Variants in NCKAP5 observed in about 807,000 individuals in gnomAD.
NCKAP5 encodes the protein nck-associated protein 5.
NCKAP5 carries 92 observed loss-of-function variants against 167.0 expected under a neutral mutation model. That is an observed-to-expected ratio of 0.55 (90% confidence interval 0.47 to 0.66). The LOEUF (loss-of-function observed/expected upper bound fraction) is 0.66. Ranked by LOEUF, NCKAP5 falls within the 30% of genes least tolerant of loss-of-function variation. The pLI is 0.00. For synonymous variants in NCKAP5, 891 were observed against 877.4 expected, an observed-to-expected ratio of 1.02 and a Z score of -0.27; for missense variants, 2,378 against 2,315.0, an observed-to-expected ratio of 1.03 and a Z score of -0.56.
intron 4 of NCKAP5, among the ~76,000 whole-genome samples, chr2:133,284,461 T>G (rs191718752): frequency 6.6e-6 from 1 of 152,346 alleles, no homozygotes; most frequent in Admixed American, 6.5e-5. Context: ...TGTTTGAAGT[T>G]GACATCAAAG....
chr2:133,258,426 C>T (rs180697105), intron 4 of NCKAP5, among the ~76,000 whole-genome samples: 3 of 152,094 alleles, frequency 2.0e-5, no homozygotes, highest in Non-Finnish European at 1.5e-5. Flanking sequence ...TACAAACAGC[C>T]CCCACAATAT....
chr2:133,061,978 T>C (rs1342876030), intron 6 of NCKAP5, among the ~76,000 whole-genome samples: 1 of 152,244 alleles, frequency 6.6e-6, no homozygotes, highest in East Asian at 1.9e-4. Flanking sequence ...AAATGTATCT[T>C]AAGTCATGCT....
chr2:133,479,064 T>C (rs748353741), intron 3 of NCKAP5, among the ~76,000 whole-genome samples: 50 of 152,332 alleles, frequency 3.3e-4, no homozygotes, highest in Non-Finnish European at 4.3e-4. Flanking sequence ...CATTAATGGA[T>C]ATGCCCCATG....
intron 4 of NCKAP5, among the ~76,000 whole-genome samples, chr2:133,246,297 T>C (rs951096622): frequency 1.3e-5 from 2 of 151,790 alleles, no homozygotes; most frequent in South Asian, 2.1e-4. Context: ...AATGGAGCAA[T>C]GACATGAAAA....
chr2:133,501,263 T>C (rs542717292), intron 3 of NCKAP5, among the ~76,000 whole-genome samples: 1 of 152,204 alleles, frequency 6.6e-6, no homozygotes, highest in South Asian at 2.1e-4. Context: ...CATTGTACTA[T>C]AAGCTGAGGA....
At chr2:133,595,389 CTCCTCT>C in the NCKAP5 span, among the ~76,000 whole-genome samples, 1 of 151,352 alleles carries the variant, frequency 6.6e-6, no homozygotes, top group Admixed American at 6.6e-5. Flanking sequence ...CTTCCTCCTC[CTCCTCT>C]TCTTCTTTTT....
intron 16 of NCKAP5, among the ~76,000 whole-genome samples, chr2:132,765,724 C>A (rs1574126133): frequency 2.6e-5 from 4 of 152,216 alleles, no homozygotes; most frequent in Admixed American, 2.6e-4. Flanking sequence ...TCCCTAATAC[C>A]CATTAACTCC....
intron 4 of NCKAP5, among the ~76,000 whole-genome samples, chr2:133,220,781 C>G (rs1210992253): frequency 6.6e-6 from 1 of 152,108 alleles, no homozygotes; most frequent in Admixed American, 6.5e-5. Context: ...TGCTACAGAG[C>G]CATCTGTTGC....
chr2:133,352,894 G>A (rs1344318127), intron 3 of NCKAP5, among the ~76,000 whole-genome samples: 1 of 152,166 alleles, frequency 6.6e-6, no homozygotes, highest in Non-Finnish European at 1.5e-5. Flanking sequence ...ACTGGCTCAG[G>A]ATACATTGTC....
intron 6 of NCKAP5, among the ~76,000 whole-genome samples, chr2:133,041,898 A>AT (rs962423371): frequency 6.6e-6 from 1 of 152,136 alleles, no homozygotes; most frequent in African/African-American, 2.4e-5. Context: ...TGTTAGAATT[A>AT]TTTTTTTCTA....
intron 8 of NCKAP5, among the ~76,000 whole-genome samples, chr2:132,949,552 G>A (rs772184801): frequency 4.6e-5 from 7 of 152,122 alleles, no homozygotes; most frequent in African/African-American, 7.2e-5. Flanking sequence ...TCTGTCTCCA[G>A]ACAGACCCTG....
At chr2:133,181,858 G>T (rs2084753540) in intron 5 of NCKAP5, among the ~76,000 whole-genome samples, 1 of 152,028 alleles carries the variant, frequency 6.6e-6, no homozygotes, top group South Asian at 2.1e-4. Flanking sequence ...ACAAGTAAGT[G>T]CTATCTACAA....
the NCKAP5 span, among the ~76,000 whole-genome samples, chr2:133,660,179 T>C: frequency 6.6e-6 from 1 of 152,072 alleles, no homozygotes; most frequent in Non-Finnish European, 1.5e-5. Context: ...AAATGGTTCT[T>C]CCCTCCCTCG....
At chr2:133,437,923 A>G (rs1690595194) in intron 3 of NCKAP5, among the ~76,000 whole-genome samples, 2 of 150,282 alleles carry the variant, frequency 1.3e-5, no homozygotes, top group Admixed American at 6.6e-5. Context: ...TATTTTATCT[A>G]TTTTACTTGT....
chr2:133,615,146 G>A, the NCKAP5 span, among the ~76,000 whole-genome samples: 1 of 151,834 alleles, frequency 6.6e-6, no homozygotes, highest in Non-Finnish European at 1.5e-5. Flanking sequence ...GCTCCTGAAG[G>A]AAGCTCTAAA....
chr2:133,555,678 G>T (rs11683660), intron 2 of NCKAP5, among the ~76,000 whole-genome samples: 1 of 151,992 alleles, frequency 6.6e-6, no homozygotes, highest in Non-Finnish European at 1.5e-5. Context: ...TATTGTTCCT[G>T]GGAGTATAAA....
chr2:133,504,126 G>A (rs1025069713), intron 3 of NCKAP5, among the ~76,000 whole-genome samples: 1 of 151,960 alleles, frequency 6.6e-6, no homozygotes, highest in African/African-American at 2.4e-5. Context: ...ACTGCAAATT[G>A]AATTTTTGAA....
At chr2:133,481,298 A>C (rs570057498) in intron 3 of NCKAP5, among the ~76,000 whole-genome samples, 3 of 152,238 alleles carry the variant, frequency 2.0e-5, no homozygotes, top group Admixed American at 6.5e-5. Flanking sequence ...CTTCATAACC[A>C]CCTGGGCCTT....
chr2:133,294,158 A>G (rs2150528105), intron 4 of NCKAP5, among the ~76,000 whole-genome samples: 1 of 152,318 alleles, frequency 6.6e-6, no homozygotes. Flanking sequence ...GAGGGATTTA[A>G]AAAACAAATC....
Sources: gnomAD v4.1 joint callset for allele counts (sites outside exome capture counted in the v4.1 genomes callset) on GRCh38, gnomAD v4.1.1 for gene constraint, MANE v1.5 for transcripts, NCBI Gene and HGNC (gene_info 2026-07-23, HGNC 2026-07-21) for gene names.